The following MAPKAP1 variants were observed in gnomAD, a reference collection of about 807,000 sequenced individuals.
MAPKAP1 encodes MAPK associated protein 1, also known as target of rapamycin complex 2 subunit MAPKAP1.
MAPKAP1 carries 20 observed loss-of-function variants against 65.7 expected under a neutral mutation model. That is an observed-to-expected ratio of 0.30 (90% CI 0.21 to 0.44). MAPKAP1 has a LOEUF of 0.44. Among genes scored for constraint, MAPKAP1 ranks in the 20% least tolerant of loss-of-function variants. The pLI, the probability that MAPKAP1 is intolerant of heterozygous loss-of-function variation, is 1.00. For synonymous variants in MAPKAP1, 222 were observed against 244.3 expected, an observed-to-expected ratio of 0.91 and a Z score of 0.85; for missense variants, 423 against 648.0, an observed-to-expected ratio of 0.65 and a Z score of 3.77.
At chr9:125,529,740 C>T (rs887687463) in intron 7 of MAPKAP1, among the ~76,000 whole-genome samples, 9 of 152,302 alleles carry the variant, frequency 5.9e-5, no homozygotes, top group East Asian at 5.8e-4. Flanking sequence ...GCCTGCCATA[C>T]TGTGATTAGT....
At chr9:125,592,975 C>A (rs1832013982) in intron 4 of MAPKAP1, among the ~76,000 whole-genome samples, 1 of 138,030 alleles carries the variant, frequency 7.2e-6, no homozygotes. Flanking sequence ...TGAAATATAA[C>A]TCAAAAAAAA....
intron 4 of MAPKAP1, among the ~76,000 whole-genome samples, chr9:125,629,573 T>C (rs141291172): frequency 2.3e-4 from 35 of 152,230 alleles, no homozygotes; most frequent in Middle Eastern, 3.4e-3. Context: ...ATTCAAACTT[T>C]TGGAAACAAA....
chr9:125,675,106 A>C (rs1356380649), intron 1 of MAPKAP1, among the ~76,000 whole-genome samples: 1 of 152,100 alleles, frequency 6.6e-6, no homozygotes, highest in Non-Finnish European at 1.5e-5. Context: ...CACAGATCAG[A>C]GCTGCAAACA....
intron 5 of MAPKAP1, 28 bp downstream of exon 5, chr9:125,585,527 T>C: frequency 6.2e-7 from 1 of 1,608,238 alleles, no homozygotes; most frequent in Non-Finnish European, 8.5e-7. Context: ...CACAAGAAAC[T>C]AGAGCAGCCA....
chr9:125,603,929 A>C (rs1832376172), intron 4 of MAPKAP1, among the ~76,000 whole-genome samples: 1 of 151,968 alleles, frequency 6.6e-6, no homozygotes, highest in South Asian at 2.1e-4. Flanking sequence ...GCCAAGAAAC[A>C]TTTTATTTTT....
At chr9:125,467,113 C>G (rs1853708288) in intron 10 of MAPKAP1, among the ~76,000 whole-genome samples, 1 of 152,120 alleles carries the variant, frequency 6.6e-6, no homozygotes, top group Non-Finnish European at 1.5e-5. Context: ...TAGGGTGGGC[C>G]CTCGGTAACT....
chr9:125,523,140 A>G (rs183982607), intron 7 of MAPKAP1, among the ~76,000 whole-genome samples: 1 of 152,218 alleles, frequency 6.6e-6, no homozygotes, highest in African/African-American at 2.4e-5. Flanking sequence ...TAAAAACTCT[A>G]GCCTTGGCCT....
chr9:125,567,230 A>G (rs1379333010), intron 5 of MAPKAP1, among the ~76,000 whole-genome samples: 1 of 152,214 alleles, frequency 6.6e-6, no homozygotes, highest in Non-Finnish European at 1.5e-5. Context: ...TCCATCTTAA[A>G]TAGAGCTGGG....
intron 9 of MAPKAP1, among the ~76,000 whole-genome samples, chr9:125,478,731 C>T (rs1052959200): frequency 1.3e-5 from 2 of 152,136 alleles, no homozygotes; most frequent in African/African-American, 4.8e-5. Flanking sequence ...TGCTGGAAGT[C>T]TCCGTATATC....
intron 10 of MAPKAP1, among the ~76,000 whole-genome samples, chr9:125,466,585 C>T (rs764932632): frequency 4.6e-5 from 7 of 152,142 alleles, no homozygotes; most frequent in Non-Finnish European, 8.8e-5. Flanking sequence ...TCTTTATTGG[C>T]CGACAAGCTG....
intron 1 of MAPKAP1, among the ~76,000 whole-genome samples, chr9:125,677,340 G>C (rs1455797113): frequency 1.3e-5 from 2 of 152,146 alleles, no homozygotes; most frequent in Non-Finnish European, 2.9e-5. Context: ...CTGGGAGGCA[G>C]AGGTGAGCCA....
Position 125,447,744 on chromosome 9 carries a change from A to G in MAPKAP1, c.1346-3146T>C, listed in dbSNP as rs1852772405. 6.6e-6 allele frequency among the ~76,000 whole-genome samples: 1 copy of G among 152,126 alleles called. No homozygotes were observed. Among genetic ancestry groups the G allele is most frequent in the African/African-American group, 2.4e-5 (1 of 41,420 alleles). On this transcript the variant is annotated intron_variant, in intron 10 of 11. Transcript: ENST00000265960. The surrounding 1 kb of genome is among the most constrained non-coding windows in gnomAD (Gnocchi z 4.5). ...CGCAGGGAGCTGCCGTGGAGACACC[A>G]AGGCAGAAGCACCTGGCCAGAGGTG...
chr9:125,484,724 G>T, intron 8 of MAPKAP1, 141 bp from the exon 9 acceptor site: 2 of 733,116 alleles, frequency 2.7e-6, no homozygotes, highest in Non-Finnish European at 4.2e-6. Flanking sequence ...ACTTAATAAT[G>T]CCATTCCAGT....
At chr9:125,579,516 C>T (rs1831551828) in intron 5 of MAPKAP1, among the ~76,000 whole-genome samples, 1 of 152,158 alleles carries the variant, frequency 6.6e-6, no homozygotes, top group South Asian at 2.1e-4. Flanking sequence ...TGGTGTTGAA[C>T]TTCTGACCTC....
intron 7 of MAPKAP1, chr9:125,521,877 G>A: frequency 2.2e-6 from 2 of 925,454 alleles, no homozygotes; most frequent in East Asian, 2.5e-5. Context: ...CAAGCTTAGA[G>A]CCAATTGTTT....
At chr9:125,508,402 G>A (rs1829205986) in intron 7 of MAPKAP1, among the ~76,000 whole-genome samples, 2 of 152,184 alleles carry the variant, frequency 1.3e-5, no homozygotes, top group African/African-American at 2.4e-5. Context: ...AGTTACCCCT[G>A]AACCTGGAGG....
chr9:125,614,882 C>T (rs950274148), intron 4 of MAPKAP1, among the ~76,000 whole-genome samples: 2 of 151,990 alleles, frequency 1.3e-5, no homozygotes, highest in Non-Finnish European at 2.9e-5. Context: ...AATTTCTTTT[C>T]AACATGGTAT....
chr9:125,577,557 G>A lies in MAPKAP1; in HGVS notation c.671+7998C>T, dbSNP rs868816816. Among the ~76,000 whole-genome samples the A allele has an allele frequency of 2.3e-4, 30 of 133,278 alleles. 2 individuals carry two copies. The highest frequency in any genetic ancestry group is 4.0e-3 in the Middle Eastern group (1 of 250). 87.4% of individuals were successfully genotyped at this position (133,278 alleles called of 152,430 possible). A position where few individuals can be genotyped will look rare whatever the true frequency, so the allele number is the denominator to read the frequency against. ...CCTGGCCGGCCGCCCCGTCCAGGAG[G>A]GAGGTGGGGGGGTCAGCCCCCCGCC... On this transcript the variant is annotated intron_variant, in intron 5 of 11. Transcript: ENST00000265960.
At chr9:125,507,443 A>G (rs780706877) in intron 7 of MAPKAP1, among the ~76,000 whole-genome samples, 1 of 152,226 alleles carries the variant, frequency 6.6e-6, no homozygotes, top group Non-Finnish European at 1.5e-5. Context: ...CCCAGGCGGA[A>G]CACGTATTTT....
Sources: gnomAD v4.1 joint callset for allele counts (sites outside exome capture counted in the v4.1 genomes callset) on GRCh38, gnomAD v4.1.1 for gene constraint, Gnocchi (gnomAD v3.1) non-coding constraint, MANE v1.5 for transcripts, NCBI Gene and HGNC (gene_info 2026-07-23, HGNC 2026-07-21) for gene names.